The following AAK1 variants were observed in gnomAD, a reference collection of about 807,000 sequenced individuals.
AAK1 encodes the protein AP2-associated protein kinase 1.
Under a neutral mutation model 116.0 loss-of-function variants are expected in AAK1, and 37 were observed. The observed-to-expected ratio is 0.32, with a 90% CI of 0.25 to 0.42. AAK1 has a LOEUF of 0.42. Ranked by LOEUF, AAK1 falls within the 10% of genes least tolerant of loss-of-function variation. The pLI is 1.00. For synonymous variants in AAK1, 458 were observed against 439.9 expected, an observed-to-expected ratio of 1.04 and a Z score of -0.51; for missense variants, 919 against 1,170.6, an observed-to-expected ratio of 0.79 and a Z score of 3.14.
At chr2:69,585,034 A>G (rs1290245894) in intron 2 of AAK1, among the ~76,000 whole-genome samples, 1 of 152,146 alleles carries the variant, frequency 6.6e-6, no homozygotes, top group East Asian at 1.9e-4. Context: ...ATCTACATAC[A>G]TGTTCCCATT....
In AAK1 at chr2:69,458,707, G is replaced by GCACACA. The variant is rs139723881; in HGVS notation, c.*17156_*17161dup. On this transcript the variant is annotated 3_prime_UTR_variant, in exon 22 of 22. Coordinates refer to ENST00000409085, the MANE Select transcript of AAK1 (RefSeq NM_014911.5). ...TGGAAGAAAGCATGAAGATGAATGAGCACACACACACACACACACACCCCA... is the reference window on the plus strand; with the variant it reads ...TGGAAGAAAGCATGAAGATGAATGAGCACACACACACACACACACACACACACCCCA... 696 of 150,288 alleles carry GCACACA rather than the reference G, an allele frequency of 4.6e-3. 2 individuals carry two copies. The highest frequency in any genetic ancestry group is 0.014 in the Middle Eastern group (4 of 294). The allele number at this position is 150,288 out of a possible 1,614,324, so 9.3% of individuals were successfully genotyped here.
chr2:69,533,248 A>G (rs1248099205), intron 5 of AAK1, among the ~76,000 whole-genome samples: 1 of 152,184 alleles, frequency 6.6e-6, no homozygotes, highest in Non-Finnish European at 1.5e-5. Context: ...TTCTCTACCT[A>G]GTGCCTAACA....
At chr2:69,493,768 G>A (rs1469949420) in intron 17 of AAK1, among the ~76,000 whole-genome samples, 3 of 152,194 alleles carry the variant, frequency 2.0e-5, no homozygotes, top group Admixed American at 6.5e-5. Context: ...GCCTTTCTGA[G>A]CAGACGGCAT....
intron 2 of AAK1, among the ~76,000 whole-genome samples, chr2:69,637,582 T>C (rs1332152396): frequency 6.6e-6 from 1 of 152,184 alleles, no homozygotes. Context: ...GCTACTTTAA[T>C]AGACAATACG....
intron 2 of AAK1, among the ~76,000 whole-genome samples, chr2:69,623,352 G>A (rs1402378398): frequency 6.6e-6 from 1 of 152,158 alleles, no homozygotes; most frequent in Admixed American, 6.5e-5. Flanking sequence ...AATATTCCTA[G>A]TCTGCACTTC....
chr2:69,584,364 T>C (rs1379983822), intron 2 of AAK1, among the ~76,000 whole-genome samples: 1 of 152,248 alleles, frequency 6.6e-6, no homozygotes, highest in African/African-American at 2.4e-5. Context: ...CTGTGGTTAC[T>C]TTAATTATAA....
chr2:69,579,404 C>A (rs1672451101), intron 2 of AAK1, among the ~76,000 whole-genome samples: 1 of 152,090 alleles, frequency 6.6e-6, no homozygotes. Flanking sequence ...CATGGAGAGA[C>A]CCCATCTCTA....
chr2:69,495,697 G>A (rs1376623039), intron 17 of AAK1, among the ~76,000 whole-genome samples: 1 of 152,042 alleles, frequency 6.6e-6, no homozygotes, highest in Non-Finnish European at 1.5e-5. Context: ...CCAATACAGA[G>A]GCCCCTCACG....
intron 2 of AAK1, among the ~76,000 whole-genome samples, chr2:69,592,518 C>T (rs1225735004): frequency 6.6e-6 from 1 of 152,148 alleles, no homozygotes; most frequent in Non-Finnish European, 1.5e-5. Context: ...AAGAAAATTA[C>T]AACTGTACTA....
At chr2:69,547,501 T>C (rs1028663802) in intron 3 of AAK1, among the ~76,000 whole-genome samples, 1 of 152,104 alleles carries the variant, frequency 6.6e-6, no homozygotes, top group Non-Finnish European at 1.5e-5. Context: ...CCCGAAAGTA[T>C]ATGAAAAGAT....
In AAK1 at chr2:69,487,788, T is replaced by C. The variant is rs984286359; in HGVS notation, c.2366-4976A>G. On this transcript the variant is annotated intron_variant, in intron 17 of 21. Transcript: ENST00000409085. ...GCATTAGTATTTTTTGTTTGTTTGCTTTTTTTTTTTTTTTTTTTGAGACAG... is the reference window on the plus strand; with the variant it reads ...GCATTAGTATTTTTTGTTTGTTTGCCTTTTTTTTTTTTTTTTTTGAGACAG... 2.0e-4 allele frequency among the ~76,000 whole-genome samples: 25 copies of C among 124,200 alleles called. No homozygotes were observed. In the Middle Eastern group the frequency reaches 0.02, roughly 99 times the overall value. The allele number at this position is 124,200 out of a possible 152,430, so 81.5% of individuals were successfully genotyped here.
At chr2:69,484,505 A>G (rs1030696983) in intron 17 of AAK1, among the ~76,000 whole-genome samples, 2 of 152,172 alleles carry the variant, frequency 1.3e-5, no homozygotes, top group African/African-American at 4.8e-5. Flanking sequence ...TAAAAAAAGG[A>G]AGGACGGCTG....
intron 17 of AAK1, among the ~76,000 whole-genome samples, chr2:69,490,556 T>G (rs745331435): frequency 2.0e-5 from 3 of 151,936 alleles, no homozygotes; most frequent in Admixed American, 6.6e-5. Context: ...AATAAGCCAG[T>G]CACAAAAGGA....
rs138416370 is a variant in AAK1 at position 69,471,426 on chromosome 2, T to C, written c.*4443A>G. On this transcript the variant is annotated 3_prime_UTR_variant, in exon 22 of 22. Transcript: ENST00000409085. ...GTGGAAAAAGAAAAGGCTGACTTTG[T>C]GTTGATAAAATTATAGCCTTTAGAG... 4.3e-5 allele frequency: 42 copies of C among 985,448 alleles called. No individual in the cohort carries two copies. The African/African-American group carries it at 6.5e-4, about 15-fold the overall frequency. 61.0% of individuals were successfully genotyped at this position (985,448 alleles called of 1,614,324 possible). A position where few individuals can be genotyped will look rare whatever the true frequency, so the allele number is the denominator to read the frequency against.
At chr2:69,501,063 T>C (rs934728975) in intron 16 of AAK1, among the ~76,000 whole-genome samples, 3 of 152,156 alleles carry the variant, frequency 2.0e-5, no homozygotes, top group African/African-American at 7.2e-5. Context: ...TGTGACCCTC[T>C]TTCCAGACAA....
chr2:69,606,391 C>T (rs1673797174), intron 2 of AAK1, among the ~76,000 whole-genome samples: 1 of 152,206 alleles, frequency 6.6e-6, no homozygotes, highest in Non-Finnish European at 1.5e-5. Context: ...GCACTTGCTG[C>T]ACTTAGTGCT....
intron 2 of AAK1, among the ~76,000 whole-genome samples, chr2:69,610,248 C>G (rs1023946038): frequency 6.6e-6 from 1 of 152,056 alleles, no homozygotes; most frequent in East Asian, 1.9e-4. Flanking sequence ...CAAGACCATT[C>G]AAGGGGGAAA....
chr2:69,504,314 C>CTTGAACCTG (rs2104955807), intron 16 of AAK1, among the ~76,000 whole-genome samples: 1 of 145,288 alleles, frequency 6.9e-6, no homozygotes, highest in African/African-American at 2.6e-5. Flanking sequence ...ATGAGAATTG[C>CTTGAACCTG]TTGAACCTGG....
At chr2:69,477,061 G>T in intron 20 of AAK1, 71 bp from the exon 21 acceptor site, 1 of 980,790 alleles carries the variant, frequency 1.0e-6, no homozygotes, top group South Asian at 1.4e-5. Flanking sequence ...GAATGTGAAA[G>T]AGGCACAAAG....
Sources: allele counts gnomAD v4.1 joint callset (sites outside exome capture counted in the v4.1 genomes callset), GRCh38; gene constraint gnomAD v4.1.1; transcripts MANE v1.5; gene names NCBI Gene and HGNC (gene_info 2026-07-23, HGNC 2026-07-21).